Variants in MARCHF1 observed in about 807,000 individuals in gnomAD.
MARCHF1 encodes E3 ubiquitin-protein ligase MARCHF1.
Under a neutral mutation model 54.2 loss-of-function variants are expected in MARCHF1, and 40 were observed. The observed-to-expected ratio is 0.74, with a 90% confidence interval of 0.57 to 0.96. The LOEUF (loss-of-function observed/expected upper bound fraction) is 0.96, where lower values mean the gene tolerates loss of function less well. Ranked by LOEUF, MARCHF1 falls within the 40% of genes least tolerant of loss-of-function variation. The pLI, the probability that MARCHF1 is intolerant of heterozygous loss-of-function variation, is 0.00. For missense variants in MARCHF1, 586 were observed against 656.5 expected, an observed-to-expected ratio of 0.89 and a Z score of 1.17; for synonymous variants, 236 against 236.3, an observed-to-expected ratio of 1.00 and a Z score of 0.01.
chr4:163,550,380 AC>A (rs897876604), intron 8 of MARCHF1, among the ~76,000 whole-genome samples: 6 of 151,990 alleles, frequency 3.9e-5, no homozygotes, highest in Non-Finnish European at 8.8e-5. Context: ...TTTTTTCTTG[AC>A]AGTTCACCTA....
chr4:163,902,794 T>A (rs116432232), intron 3 of MARCHF1, among the ~76,000 whole-genome samples: 1 of 151,320 alleles, frequency 6.6e-6, no homozygotes, highest in Non-Finnish European at 1.5e-5. Context: ...AAATAAATGC[T>A]TTTTTTAGCC....
At chr4:163,992,761 C>CATTAATTATAAAATATAAA (rs1752992167) in intron 2 of MARCHF1, among the ~76,000 whole-genome samples, 3 of 147,516 alleles carry the variant, frequency 2.0e-5, no homozygotes, top group African/African-American at 5.0e-5. Context: ...TATAAAATTA[C>CATTAATTATAAAATATAAA]ATTACTTATA....
chr4:163,747,839 C>T (rs1253801439), intron 4 of MARCHF1, among the ~76,000 whole-genome samples: 2 of 152,142 alleles, frequency 1.3e-5, no homozygotes, highest in Non-Finnish European at 2.9e-5. Context: ...GGGTCTGTCC[C>T]GTGGACCCTG....
intron 8 of MARCHF1, among the ~76,000 whole-genome samples, chr4:163,551,717 A>G (rs1739112750): frequency 6.6e-6 from 1 of 152,160 alleles, no homozygotes; most frequent in African/African-American, 2.4e-5. Context: ...GTAGGAGATA[A>G]TTGAATCATC....
chr4:163,592,901 A>G (rs1426690676), intron 7 of MARCHF1, among the ~76,000 whole-genome samples: 1 of 152,062 alleles, frequency 6.6e-6, no homozygotes, highest in African/African-American at 2.4e-5. Context: ...TGATGTGTGT[A>G]GCCCCTAGGA....
At chr4:163,557,222 G>C (rs1739321912) in intron 8 of MARCHF1, among the ~76,000 whole-genome samples, 1 of 152,190 alleles carries the variant, frequency 6.6e-6, no homozygotes, top group Admixed American at 6.5e-5. Flanking sequence ...CATTTAGGAT[G>C]AAATCCCAAA....
In MARCHF1 at chr4:164,020,358, G is replaced by C. The variant is rs74488808; in HGVS notation, c.-247-31649C>G. On this transcript the variant is annotated intron_variant, in intron 2 of 9. Coordinates refer to ENST00000514618, the MANE Select transcript of MARCHF1 (RefSeq NM_001394959.1). Reference sequence around the variant, plus strand: ...AGCTCAATATAGGAATGTTAACCAAGGATTCTGGATAAAATATGAGATGAA... The same window carrying C: ...AGCTCAATATAGGAATGTTAACCAACGATTCTGGATAAAATATGAGATGAA... Among the ~76,000 whole-genome samples, 1,513 of 152,192 alleles carry C rather than the reference G, an allele frequency of 9.9e-3. 14 individuals are homozygous for C. Among genetic ancestry groups the C allele is most frequent in the Non-Finnish European group, 0.015 (1,002 of 68,016 alleles).
At chr4:163,589,764 G>T (rs371634071) in intron 7 of MARCHF1, among the ~76,000 whole-genome samples, 3 of 151,966 alleles carry the variant, frequency 2.0e-5, no homozygotes, top group East Asian at 3.9e-4. Flanking sequence ...CAAAATATTC[G>T]TAATTTTGGT....
At chr4:164,044,433 A>G (rs1441548682) in intron 2 of MARCHF1, among the ~76,000 whole-genome samples, 2 of 152,054 alleles carry the variant, frequency 1.3e-5, no homozygotes, top group Admixed American at 1.3e-4. Context: ...TTAAACAACC[A>G]TATCTTGTGA....
chr4:164,047,260 AC>A (rs1297957577), intron 2 of MARCHF1, among the ~76,000 whole-genome samples: 1 of 151,878 alleles, frequency 6.6e-6, no homozygotes, highest in African/African-American at 2.4e-5. Context: ...GAAAAAAGGC[AC>A]TTCAAGAAAA....
intron 4 of MARCHF1, among the ~76,000 whole-genome samples, chr4:163,742,925 T>C (rs1165711363): frequency 7.0e-6 from 1 of 142,750 alleles, no homozygotes; most frequent in East Asian, 1.9e-4. Context: ...CATTTTAAAG[T>C]TGGGAATAAT....
At chr4:164,270,058 G>A (rs1733704955) in intron 1 of MARCHF1, among the ~76,000 whole-genome samples, 1 of 152,110 alleles carries the variant, frequency 6.6e-6, no homozygotes, top group African/African-American at 2.4e-5. Context: ...TATAGTAAAA[G>A]TGAAATCTTT....
chr4:163,588,972 C>A (rs1740497364), intron 7 of MARCHF1, among the ~76,000 whole-genome samples: 1 of 150,564 alleles, frequency 6.6e-6, no homozygotes, highest in Non-Finnish European at 1.5e-5. Flanking sequence ...AACAATAAAA[C>A]TGAAGTAAAA....
At chr4:164,076,259 G>A (rs1754978342) in intron 2 of MARCHF1, among the ~76,000 whole-genome samples, 2 of 152,082 alleles carry the variant, frequency 1.3e-5, no homozygotes, top group African/African-American at 4.8e-5. Flanking sequence ...AAATTAAAGT[G>A]CATAAGAAGA....
intron 1 of MARCHF1, chr4:164,189,774 GATGA>G (rs1731075239): frequency 7.0e-7 from 1 of 1,432,562 alleles, no homozygotes; most frequent in South Asian, 1.1e-5. Context: ...GGTCTATGAG[GATGA>G]ATGACCCCTG....
At chr4:164,235,872 G>A (rs1732537919) in intron 1 of MARCHF1, among the ~76,000 whole-genome samples, 1 of 152,038 alleles carries the variant, frequency 6.6e-6, no homozygotes, top group African/African-American at 2.4e-5. Context: ...AAAACAACTT[G>A]TGCCTTAAAA....
At chr4:164,099,115 A>G (rs1274903037) in intron 2 of MARCHF1, among the ~76,000 whole-genome samples, 1 of 152,206 alleles carries the variant, frequency 6.6e-6, no homozygotes, top group African/African-American at 2.4e-5. Flanking sequence ...TAGCAGGATG[A>G]TTGAAGTTGG....
At chr4:164,349,529 G>T (rs116029254) in intron 1 of MARCHF1, among the ~76,000 whole-genome samples, 9 of 152,072 alleles carry the variant, frequency 5.9e-5, no homozygotes, top group African/African-American at 2.2e-4. Context: ...TCAAAGTACA[G>T]TACTTATTTT....
chr4:163,570,505 AC>A (rs1157442178), intron 8 of MARCHF1, among the ~76,000 whole-genome samples: 3 of 152,092 alleles, frequency 2.0e-5, no homozygotes, highest in Non-Finnish European at 4.4e-5. Context: ...CCAAACAACT[AC>A]ATGGTGGGGA....
Sources: gnomAD v4.1 joint callset for allele counts (sites outside exome capture counted in the v4.1 genomes callset) on GRCh38, gnomAD v4.1.1 for gene constraint, MANE v1.5 for transcripts, NCBI Gene and HGNC (gene_info 2026-07-23, HGNC 2026-07-21) for gene names.